Variants in PRRX2 observed in about 807,000 individuals in gnomAD.
PRRX2 encodes the protein paired related homeobox 2, also known as paired mesoderm homeobox protein 2.
In PRRX2, 11 loss-of-function variants were observed where a neutral mutation model predicts 18.0. The ratio of observed to expected loss-of-function variants is 0.61; its 90% CI spans 0.39 to 1.01. The LOEUF (loss-of-function observed/expected upper bound fraction) is 1.01, where lower values mean the gene tolerates loss of function less well. Ranked by LOEUF, PRRX2 falls within the 50% of genes least tolerant of loss-of-function variation. PRRX2 has a pLI of 0.01. For missense variants in PRRX2, 387 were observed against 351.0 expected (o/e 1.10, Z -0.82); for synonymous variants, 177 against 154.8 (o/e 1.14, Z -1.06).
In PRRX2 at chr9:129,665,829, C is replaced by T. The variant is rs1223961632; in HGVS notation, c.-39C>T. On this transcript the variant is annotated 5_prime_UTR_variant, in exon 1 of 4. Transcript: ENST00000372469. This position sits in a 1 kb window ranked among gnomAD's most constrained non-coding sequence, Gnocchi z 5.3. Reference sequence around the variant, plus strand: ...CCGCGACCCTTCCTGGGACCCGAGCCCGAGACCCCCGCCGGCCCCCCCGGG... The same window carrying T: ...CCGCGACCCTTCCTGGGACCCGAGCTCGAGACCCCCGCCGGCCCCCCCGGG... 2.0e-6 allele frequency: 2 copies of T among 1,025,324 alleles called. No homozygotes were observed. The highest frequency in any genetic ancestry group is 2.3e-6 in the Non-Finnish European group (2 of 858,068). 63.5% of individuals were successfully genotyped at this position (1,025,324 alleles called of 1,614,324 possible). A position where few individuals can be genotyped will look rare whatever the true frequency, so the allele number is the denominator to read the frequency against.
At chr9:129,696,589 GTAA>G (rs1832426178) in intron 1 of PRRX2, among the ~76,000 whole-genome samples, 1 of 152,074 alleles carries the variant, frequency 6.6e-6, no homozygotes, top group African/African-American at 2.4e-5. Flanking sequence ...AAAAATAATA[GTAA>G]TAATAATTTT....
At chr9:129,701,632 A>T (rs1007886244) in intron 1 of PRRX2, among the ~76,000 whole-genome samples, 1 of 152,264 alleles carries the variant, frequency 6.6e-6, no homozygotes. Flanking sequence ...GGTGTGTCTG[A>T]TCACAATCCT....
intron 1 of PRRX2, among the ~76,000 whole-genome samples, chr9:129,691,084 G>A (rs575487791): frequency 5.3e-5 from 8 of 151,802 alleles, no homozygotes; most frequent in Admixed American, 6.6e-5. Context: ...CAGCACTTTG[G>A]GAGGCTGAGG....
chr9:129,680,151 C>T (rs1328613031), intron 1 of PRRX2, among the ~76,000 whole-genome samples: 4 of 152,082 alleles, frequency 2.6e-5, no homozygotes, highest in Admixed American at 2.6e-4. Flanking sequence ...CCTGTAATCT[C>T]AGCACTTTGG....
chr9:129,715,970 G>C lies in PRRX2; in HGVS notation c.260-3261G>C, dbSNP rs774459321. ...GTTCACTGAACAAATGCCCAGTACT[G>C]TGCAAAGAACATCGGGTGTAAAATG... On this transcript the variant is annotated intron_variant, in intron 1 of 3. Coordinates refer to ENST00000372469, the MANE Select transcript of PRRX2 (RefSeq NM_016307.4). The surrounding 1 kb of genome is among the most constrained non-coding windows in gnomAD (Gnocchi z 4.0). Among the ~76,000 whole-genome samples, 2 of 152,178 alleles carry C rather than the reference G, an allele frequency of 1.3e-5. No individual in the cohort carries two copies. Among genetic ancestry groups the C allele is most frequent in the Non-Finnish European group, 2.9e-5 (2 of 68,042 alleles).
At chr9:129,697,564 C>G (rs1832442752) in intron 1 of PRRX2, among the ~76,000 whole-genome samples, 1 of 151,176 alleles carries the variant, frequency 6.6e-6, no homozygotes, top group Non-Finnish European at 1.5e-5. Context: ...GCGCACATGG[C>G]CGGGCTGGGC....
intron 1 of PRRX2, among the ~76,000 whole-genome samples, chr9:129,680,361 A>G (rs1564146225): frequency 6.8e-6 from 1 of 147,206 alleles, no homozygotes; most frequent in African/African-American, 2.5e-5. Context: ...AGATCATGCC[A>G]CTGCACTCCA....
In PRRX2 at chr9:129,684,394, G is replaced by GAC. The variant is rs149221750; in HGVS notation, c.259+18278_259+18279dup. The stretch of plus-strand genomic sequence containing the variant: ...TGGCTTCACCCTTTCCTATAGAGGA[G>GAC]ACACACACACAGAGAGAGACACACA... On this transcript the variant is annotated intron_variant, in intron 1 of 3. Coordinates refer to ENST00000372469, the MANE Select transcript of PRRX2 (RefSeq NM_016307.4). Among the ~76,000 whole-genome samples the GAC allele has an allele frequency of 6.3e-4, 93 of 147,298 alleles. 1 individual carries two copies. In the South Asian group the frequency reaches 0.019, roughly 31 times the overall value.
At chr9:129,682,936 C>CCA (rs1013802474) in intron 1 of PRRX2, among the ~76,000 whole-genome samples, 9 of 152,028 alleles carry the variant, frequency 5.9e-5, no homozygotes, top group African/African-American at 2.2e-4. Flanking sequence ...GAACCCCCCC[C>CCA]ATCTCTACTA....
chr9:129,696,048 T>C (rs111454810), intron 1 of PRRX2, among the ~76,000 whole-genome samples: 1,743 of 150,136 alleles, frequency 0.012, 45 homozygotes, highest in African/African-American at 0.041. Flanking sequence ...GCTTAGCCCA[T>C]AGGAGCTAAA....
At chr9:129,714,860 C>T (rs888643817) in intron 1 of PRRX2, among the ~76,000 whole-genome samples, 1 of 152,106 alleles carries the variant, frequency 6.6e-6, no homozygotes, top group Non-Finnish European at 1.5e-5. Context: ...AGAGGAACTG[C>T]CTGAAGGGGG....
In PRRX2 at chr9:129,709,534, C is replaced by A. The variant is rs113414392; in HGVS notation, c.260-9697C>A. Among the ~76,000 whole-genome samples, 2,099 of 152,302 alleles carry A rather than the reference C, an allele frequency of 0.014. 50 individuals are homozygous for A. The highest frequency in any genetic ancestry group is 0.047 in the African/African-American group (1,966 of 41,570). ...CCCAGGTTGGGTGGCCCATGCCTCT[C>A]GCTCTTGTGTGCTGTGCCGAGGCCG... On this transcript the variant is annotated intron_variant, in intron 1 of 3. Transcript: ENST00000372469. This position sits in a 1 kb window ranked among gnomAD's most constrained non-coding sequence, Gnocchi z 4.2.
chr9:129,705,328 G>C (rs531466809), intron 1 of PRRX2, among the ~76,000 whole-genome samples: 2 of 152,314 alleles, frequency 1.3e-5, no homozygotes, highest in African/African-American at 4.8e-5. Context: ...TGGGGAGCCA[G>C]GGCCTCAGAG....
rs1472815668 is a variant in PRRX2, at chr9:129,715,888, G to A, written c.260-3343G>A. 1.3e-5 allele frequency among the ~76,000 whole-genome samples: 2 copies of A among 151,952 alleles called. No homozygotes were observed. Among genetic ancestry groups the A allele is most frequent in the Admixed American group, 6.6e-5 (1 of 15,240 alleles). On this transcript the variant is annotated intron_variant, in intron 1 of 3. Coordinates refer to ENST00000372469, the MANE Select transcript of PRRX2 (RefSeq NM_016307.4). This position sits in a 1 kb window ranked among gnomAD's most constrained non-coding sequence, Gnocchi z 4.0. ...CTCCTAACCTGGGAACTGATTAAAA[G>A]CAGATATTCAGCAGTACCCATCACT...
intron 1 of PRRX2, among the ~76,000 whole-genome samples, chr9:129,717,786 C>T (rs1832732260): frequency 6.6e-6 from 1 of 151,572 alleles, no homozygotes; most frequent in South Asian, 2.1e-4. Flanking sequence ...TACTTTATAC[C>T]CATCTGTGTT....
At chr9:129,666,180 C>CCGGGGA in intron 1 of PRRX2, 54 bp downstream of exon 1, 1 of 990,502 alleles carries the variant, frequency 1.0e-6, no homozygotes, top group Non-Finnish European at 1.2e-6. Flanking sequence ...GGGGCCGGGG[C>CCGGGGA]CGGGGCGCGG....
chr9:129,683,305 T>C (rs188201072), intron 1 of PRRX2, among the ~76,000 whole-genome samples: 6 of 152,300 alleles, frequency 3.9e-5, no homozygotes, highest in South Asian at 2.1e-4. Context: ...TAGACAGATA[T>C]TGACATTTCC....
At chr9:129,698,240 T>C (rs7849054) in intron 1 of PRRX2, among the ~76,000 whole-genome samples, 47,413 of 97,198 alleles carry the variant, frequency 0.49, 9,652 homozygotes, top group East Asian at 0.67. Context: ...TTAGGAGAAA[T>C]GGGTGGTTGG....
chr9:129,684,511 CACACACA>C (rs777057311), intron 1 of PRRX2, among the ~76,000 whole-genome samples: 1,715 of 49,078 alleles, frequency 0.035, 20 homozygotes, highest in Non-Finnish European at 0.064. Flanking sequence ...CACACACACA[CACACACA>C]CACACCCACA....
Sources: allele counts gnomAD v4.1 joint callset (sites outside exome capture counted in the v4.1 genomes callset), GRCh38; gene constraint gnomAD v4.1.1; non-coding constraint Gnocchi (gnomAD v3.1); transcripts MANE v1.5; gene names NCBI Gene and HGNC (gene_info 2026-07-23, HGNC 2026-07-21).